STXBP5L: variants seen among roughly 807,000 people sequenced by gnomAD.
STXBP5L encodes the protein syntaxin-binding protein 5-like.
Under a neutral mutation model 144.5 loss-of-function variants are expected in STXBP5L, and 65 were observed. That is an observed-to-expected ratio of 0.45 (90% confidence interval 0.37 to 0.55). STXBP5L has a LOEUF of 0.55. Ranked by LOEUF, STXBP5L falls within the 20% of genes least tolerant of loss-of-function variation. The pLI is 0.00. For synonymous variants in STXBP5L, 505 were observed against 469.6 expected (o/e 1.08, Z -0.97); for missense variants, 1,298 against 1,405.5 (o/e 0.92, Z 1.22).
At chr3:120,935,106 C>G (rs561266797) in intron 2 of STXBP5L, among the ~76,000 whole-genome samples, 109 of 151,086 alleles carry the variant, frequency 7.2e-4, no homozygotes, top group Non-Finnish European at 1.1e-3. Flanking sequence ...TCTGTCTTGT[C>G]TAACTTTGAG....
intron 20 of STXBP5L, among the ~76,000 whole-genome samples, chr3:121,374,376 A>G (rs963941725): frequency 5.3e-5 from 8 of 152,214 alleles, no homozygotes; most frequent in Non-Finnish European, 1.0e-4. Context: ...GGAAATATCA[A>G]TGTAAGGACA....
At chr3:121,145,961 A>T (rs893541963) in intron 7 of STXBP5L, among the ~76,000 whole-genome samples, 2 of 152,052 alleles carry the variant, frequency 1.3e-5, no homozygotes, top group African/African-American at 4.8e-5. Flanking sequence ...CGAAAGGTGA[A>T]TTTGCTCTCT....
At chr3:121,083,648 G>A (rs1358693528) in intron 5 of STXBP5L, among the ~76,000 whole-genome samples, 1 of 148,436 alleles carries the variant, frequency 6.7e-6, no homozygotes, top group Non-Finnish European at 1.5e-5. Context: ...GGGCAACAGA[G>A]TGACACTCTG....
At chr3:121,242,223 T>G (rs2049694175) in intron 14 of STXBP5L, among the ~76,000 whole-genome samples, 1 of 152,054 alleles carries the variant, frequency 6.6e-6, no homozygotes, top group Admixed American at 6.6e-5. Context: ...ATAATAAAAG[T>G]ATGGATAAAT....
At chr3:121,252,599 A>T (rs1179912808) in intron 15 of STXBP5L, among the ~76,000 whole-genome samples, 1 of 152,142 alleles carries the variant, frequency 6.6e-6, no homozygotes, top group South Asian at 2.1e-4. Context: ...TGGATGTCTT[A>T]AAAAAATTAC....
chr3:121,347,439 G>T (rs1053982116), intron 20 of STXBP5L, among the ~76,000 whole-genome samples: 3 of 152,178 alleles, frequency 2.0e-5, no homozygotes, highest in African/African-American at 4.8e-5. Context: ...TTGACTTGTG[G>T]CCTCTTTTTT....
At chr3:121,089,349 G>A (rs1401862904) in intron 5 of STXBP5L, among the ~76,000 whole-genome samples, 2 of 151,084 alleles carry the variant, frequency 1.3e-5, no homozygotes, top group South Asian at 4.2e-4. Context: ...CATACCTGAG[G>A]GATAATTTTG....
chr3:121,336,914 A>T (rs1576207860), intron 20 of STXBP5L, among the ~76,000 whole-genome samples: 1 of 152,332 alleles, frequency 6.6e-6, no homozygotes, highest in East Asian at 1.9e-4. Context: ...GGAATACCAC[A>T]CAGCCATAAA....
At chr3:120,978,780 C>A (rs1386295057) in intron 3 of STXBP5L, among the ~76,000 whole-genome samples, 2 of 152,194 alleles carry the variant, frequency 1.3e-5, no homozygotes, top group African/African-American at 2.4e-5. Context: ...CCCTCAGCTG[C>A]AGGTCTGTTG....
chr3:121,334,445 A>AAAG lies in STXBP5L; in HGVS notation c.2176+15907_2176+15908insGAA, dbSNP rs1559986411. The stretch of plus-strand genomic sequence containing the variant: ...AAACCTGGCAGGGACACAACAACAA[A>AAAG]AAAAGAAAACTTTGGGACAATAGCC... On this transcript the variant is annotated intron_variant, in intron 20 of 26. Coordinates refer to ENST00000471454, the MANE Select transcript of STXBP5L (RefSeq NM_001308330.2). Among the ~76,000 whole-genome samples, 48 of 152,220 alleles carry AAAG rather than the reference A, an allele frequency of 3.2e-4. No homozygotes were observed. The South Asian group carries it at 9.8e-3, about 31-fold the overall frequency.
At chr3:120,915,950 T>C (rs1384140081) in intron 2 of STXBP5L, among the ~76,000 whole-genome samples, 2 of 152,146 alleles carry the variant, frequency 1.3e-5, no homozygotes, top group East Asian at 3.9e-4. Flanking sequence ...CAAGAAGGTA[T>C]TTTGACATGT....
intron 10 of STXBP5L, among the ~76,000 whole-genome samples, chr3:121,217,142 C>T (rs893487970): frequency 6.6e-6 from 1 of 152,176 alleles, no homozygotes; most frequent in African/African-American, 2.4e-5. Flanking sequence ...ATCCACTGAG[C>T]TAGACCACTT....
chr3:121,137,225 T>C (rs1160618336), intron 7 of STXBP5L, among the ~76,000 whole-genome samples: 3 of 151,076 alleles, frequency 2.0e-5, no homozygotes, highest in Non-Finnish European at 4.4e-5. Flanking sequence ...CCCTTAAACC[T>C]AAAATAAAAG....
chr3:120,959,117 A>C (rs1034919575), intron 3 of STXBP5L, among the ~76,000 whole-genome samples: 7 of 152,202 alleles, frequency 4.6e-5, no homozygotes, highest in African/African-American at 1.7e-4. Context: ...AAAAACAGAC[A>C]GAGAGCCAAA....
intron 2 of STXBP5L, among the ~76,000 whole-genome samples, chr3:120,920,371 A>G (rs1274056123): frequency 6.6e-6 from 1 of 151,752 alleles, no homozygotes; most frequent in Non-Finnish European, 1.5e-5. Context: ...TTTTAAATTG[A>G]TGCATAATAG....
At chr3:121,286,220 A>T (rs1482935624) in intron 19 of STXBP5L, among the ~76,000 whole-genome samples, 1 of 152,130 alleles carries the variant, frequency 6.6e-6, no homozygotes, top group African/African-American at 2.4e-5. Flanking sequence ...AACAGATCCT[A>T]AAAACACCTG....
intron 3 of STXBP5L, among the ~76,000 whole-genome samples, chr3:120,979,201 C>G (rs1941461970): frequency 6.6e-6 from 1 of 152,226 alleles, no homozygotes; most frequent in African/African-American, 2.4e-5. Flanking sequence ...GGGCTTCCCC[C>G]AGTTGGAGCT....
intron 20 of STXBP5L, among the ~76,000 whole-genome samples, chr3:121,377,561 CAT>C (rs888971878): frequency 1.3e-5 from 2 of 152,040 alleles, no homozygotes; most frequent in Admixed American, 1.3e-4. Flanking sequence ...GGCCAAAAAA[CAT>C]ATGAAAAAAG....
rs2046257463 is a variant in STXBP5L at position 121,378,862 on chromosome 3, A to G, written c.2323A>G (p.Ile775Val). The change falls in exon 21 of 27, where the codon ATT (isoleucine) becomes GTT (valine). Residue 775 changes from isoleucine to valine, a missense_variant. Coordinates refer to ENST00000471454, the MANE Select transcript of STXBP5L (RefSeq NM_001308330.2). The part of the protein sequence containing the change: ...RKAQSAACME[I>V]SLPVTTEENR... ...GGCCCAGTCAGCAGCCTGCATGGAG[A>G]TTTCTTTACCAGTTACAACAGAAGG... 2.5e-6 allele frequency: 4 copies of G among 1,613,334 alleles called. No homozygotes were observed. The African/African-American group carries it at 5.3e-5, about 22-fold the overall frequency.
Sources: allele counts gnomAD v4.1 joint callset (sites outside exome capture counted in the v4.1 genomes callset), GRCh38; gene constraint gnomAD v4.1.1; transcripts MANE v1.5; gene names NCBI Gene and HGNC (gene_info 2026-07-23, HGNC 2026-07-21).